TRIM9: variants seen among roughly 807,000 people sequenced by gnomAD.
TRIM9 encodes tripartite motif containing 9.
Under a neutral mutation model 78.3 loss-of-function variants are expected in TRIM9, and 26 were observed. The observed-to-expected ratio is 0.33, with a 90% CI of 0.24 to 0.46. The LOEUF is 0.46. Among genes scored for constraint, TRIM9 ranks in the 20% least tolerant of loss-of-function variants. TRIM9 has a pLI of 1.00. For synonymous variants in TRIM9, 398 were observed against 416.5 expected (o/e 0.96, Z 0.54); for missense variants, 787 against 1,036.4 (o/e 0.76, Z 3.30).
chr14:51,081,526 A>T (rs1429440534), intron 1 of TRIM9, among the ~76,000 whole-genome samples: 1 of 152,174 alleles, frequency 6.6e-6, no homozygotes, highest in African/African-American at 2.4e-5. Flanking sequence ...ATTTACCGAC[A>T]TCCCTAGGCG....
chr14:51,058,334 G>A (rs916745121), intron 1 of TRIM9, among the ~76,000 whole-genome samples: 1 of 152,164 alleles, frequency 6.6e-6, no homozygotes, highest in African/African-American at 2.4e-5. Flanking sequence ...AATGGAAAAG[G>A]TATTTCTGCC....
rs781181569 is a variant in TRIM9, at chr14:51,094,794, C to T, written c.146G>A (p.Ser49Asn). The T allele has an allele frequency of 1.3e-6, 2 of 1,535,954 alleles. No homozygotes were observed. Among genetic ancestry groups the T allele is most frequent in the Admixed American group, 4.4e-5 (2 of 45,766 alleles). Residue 49 changes from serine (S) to asparagine (N), a missense_variant, in exon 1 of 13, where the codon AGC (serine) becomes AAC (asparagine). Physicochemically the swap from Ser to Asn is conservative, Grantham distance 46. Around this residue, in one of 3 missense-constraint regions of TRIM9, gnomAD observed 352 missense variants for 472.3 expected, o/e 0.75. Transcript: ENST00000684578. Reference sequence around the variant, plus strand: ...GACCCCGGAGCCCGCGGCCCGATGGCTCTGGGGGGATTCAGACTCTGGGGT... The same window carrying T: ...GACCCCGGAGCCCGCGGCCCGATGGTTCTGGGGGGATTCAGACTCTGGGGT... ...VQTPESESPQ[S>N]HRAAGSGVSD...
At chr14:50,988,833 A>G (rs111764212) in intron 7 of TRIM9, among the ~76,000 whole-genome samples, 11 of 152,290 alleles carry the variant, frequency 7.2e-5, no homozygotes, top group African/African-American at 2.6e-4. Flanking sequence ...TAAGTCATCT[A>G]TACCACTTCA....
chr14:50,996,380 A>G, intron 7 of TRIM9: 1 of 985,430 alleles, frequency 1.0e-6, no homozygotes, highest in Non-Finnish European at 1.2e-6. Context: ...ATTAAAATAA[A>G]CTGAGGCGCT....
intron 1 of TRIM9, among the ~76,000 whole-genome samples, chr14:51,033,073 A>T (rs1033438478): frequency 6.6e-6 from 1 of 152,108 alleles, no homozygotes; most frequent in Non-Finnish European, 1.5e-5. Flanking sequence ...TAATCAACCA[A>T]TGTTATTTTT....
intron 1 of TRIM9, among the ~76,000 whole-genome samples, chr14:51,029,052 C>T (rs1000833294): frequency 1.3e-5 from 2 of 152,108 alleles, no homozygotes; most frequent in Non-Finnish European, 2.9e-5. Flanking sequence ...ATCCATCCCG[C>T]CCAATGCCTG....
intron 1 of TRIM9, among the ~76,000 whole-genome samples, chr14:51,055,710 C>T (rs975636321): frequency 6.6e-6 from 1 of 152,216 alleles, no homozygotes; most frequent in Admixed American, 6.5e-5. Flanking sequence ...TTTAGCCCAG[C>T]AAGACCCATG....
intron 6 of TRIM9, 114 bp from the exon 7 acceptor site, chr14:50,998,302 T>C: frequency 9.8e-7 from 1 of 1,022,102 alleles, no homozygotes; most frequent in Non-Finnish European, 1.4e-6. Flanking sequence ...CTAATCTGGA[T>C]TTGAATCCTG....
At chr14:51,040,420 C>T (rs1596245718) in intron 1 of TRIM9, among the ~76,000 whole-genome samples, 1 of 152,260 alleles carries the variant, frequency 6.6e-6, no homozygotes. Flanking sequence ...GACATCTAGT[C>T]CCATGGTAAC....
chr14:51,017,473 T>A (rs1007806761), intron 3 of TRIM9, among the ~76,000 whole-genome samples: 1 of 152,230 alleles, frequency 6.6e-6, no homozygotes, highest in Admixed American at 6.5e-5. Flanking sequence ...GAGTGGAATA[T>A]GCAAAGCATG....
chr14:51,024,877 TG>T (rs2058076717), intron 2 of TRIM9, among the ~76,000 whole-genome samples: 1 of 152,096 alleles, frequency 6.6e-6, no homozygotes, highest in Non-Finnish European at 1.5e-5. Flanking sequence ...GAGAAAACTG[TG>T]GCCTGTTACC....
At chr14:50,978,913 C>T (rs2051420375) in intron 12 of TRIM9, 2 of 1,019,498 alleles carry the variant, frequency 2.0e-6, no homozygotes, top group Non-Finnish European at 2.3e-6. Flanking sequence ...TAGGTAGGGA[C>T]TATGTTTTCT....
At chr14:51,061,200 G>A (rs1247872309) in intron 1 of TRIM9, among the ~76,000 whole-genome samples, 1 of 152,010 alleles carries the variant, frequency 6.6e-6, no homozygotes, top group African/African-American at 2.4e-5. Context: ...ATCACCTGCG[G>A]TCAGGAGTTT....
intron 6 of TRIM9, among the ~76,000 whole-genome samples, 184 bp from the exon 7 acceptor site, chr14:50,998,372 G>C (rs1316377826): frequency 6.6e-6 from 1 of 152,154 alleles, no homozygotes; most frequent in African/African-American, 2.4e-5. Flanking sequence ...TGTAAAATGG[G>C]ATAATAATAT....
intron 1 of TRIM9, among the ~76,000 whole-genome samples, chr14:51,039,553 T>A (rs1444203451): frequency 2.0e-5 from 3 of 152,116 alleles, no homozygotes; most frequent in Non-Finnish European, 4.4e-5. Flanking sequence ...ACATGCTGTA[T>A]TTAAATGAAG....
At chr14:51,021,397 T>C (rs955745837) in intron 3 of TRIM9, among the ~76,000 whole-genome samples, 1 of 152,220 alleles carries the variant, frequency 6.6e-6, no homozygotes, top group Non-Finnish European at 1.5e-5. Flanking sequence ...CCGTTTTAAC[T>C]GCAAGTAATT....
At chr14:51,026,111 C>G (rs7147763) in intron 1 of TRIM9, among the ~76,000 whole-genome samples, 123,442 of 152,162 alleles carry the variant, frequency 0.81, 50,358 homozygotes, top group South Asian at 0.87. Flanking sequence ...TGACGGACGA[C>G]ACCTAAGTGG....
intron 1 of TRIM9, among the ~76,000 whole-genome samples, chr14:51,068,262 T>C (rs1419562111): frequency 5.3e-5 from 8 of 152,308 alleles, no homozygotes; most frequent in African/African-American, 1.7e-4. Flanking sequence ...TAAACACCTG[T>C]GTCTGGCCCC....
intron 3 of TRIM9, among the ~76,000 whole-genome samples, chr14:51,016,261 C>A (rs2057181107): frequency 6.6e-6 from 1 of 152,142 alleles, no homozygotes; most frequent in African/African-American, 2.4e-5. Flanking sequence ...TGGCACTGGT[C>A]CGTGGCCTGT....
Sources: allele counts gnomAD v4.1 joint callset (sites outside exome capture counted in the v4.1 genomes callset), GRCh38; gene constraint gnomAD v4.1.1; regional missense constraint gnomAD v4.1.1; transcripts MANE v1.5; gene names NCBI Gene and HGNC (gene_info 2026-07-23, HGNC 2026-07-21).